Variants in DNAJC16 observed in about 807,000 individuals in gnomAD.
The protein encoded by DNAJC16 is DnaJ heat shock protein family (Hsp40) member C16.
DNAJC16 carries 76 observed loss-of-function variants against 92.7 expected under a neutral mutation model. That is an observed-to-expected ratio of 0.82 (90% CI 0.68 to 0.99). The LOEUF (loss-of-function observed/expected upper bound fraction) is 0.99. Among genes scored for constraint, DNAJC16 ranks in the 50% least tolerant of loss-of-function variants. DNAJC16 has a pLI of 0.00. For synonymous variants in DNAJC16, 328 were observed against 358.7 expected, an observed-to-expected ratio of 0.91 and a Z score of 0.97; for missense variants, 869 against 942.4, an observed-to-expected ratio of 0.92 and a Z score of 1.02.
intron 7 of DNAJC16, among the ~76,000 whole-genome samples, chr1:15,552,777 T>A (rs1044124634): frequency 6.7e-6 from 1 of 149,462 alleles, no homozygotes; most frequent in African/African-American, 2.4e-5. Flanking sequence ...TTTATTTTTT[T>A]TTTTTTTGGA....
chr1:15,530,105 C>T (rs1052088436), intron 2 of DNAJC16, among the ~76,000 whole-genome samples: 1 of 151,582 alleles, frequency 6.6e-6, no homozygotes, highest in Non-Finnish European at 1.5e-5. Flanking sequence ...ATATAGAGGG[C>T]TGACTATATA....
chr1:15,567,069 G>C (rs765919672), intron 13 of DNAJC16, 30 bp from the exon 14 acceptor site: 1 of 1,593,092 alleles, frequency 6.3e-7, no homozygotes, highest in African/African-American at 1.3e-5. Flanking sequence ...TATCCTGACA[G>C]CATCTTAACT....
At chr1:15,534,182 T>C (rs369196756) in intron 2 of DNAJC16, 55 bp from the exon 3 acceptor site, 111 of 1,588,004 alleles carry the variant, frequency 7.0e-5, no homozygotes, top group Non-Finnish European at 9.3e-5. Context: ...GGACATTAAA[T>C]GACTGTGCAT....
chr1:15,527,185 C>T (rs1710537193), intron 1 of DNAJC16, among the ~76,000 whole-genome samples: 1 of 152,152 alleles, frequency 6.6e-6, no homozygotes, highest in Non-Finnish European at 1.5e-5. Flanking sequence ...AGACCTGGAG[C>T]TTGTCTCTGG....
At chr1:15,565,711 T>G (rs931054660) in intron 11 of DNAJC16, 21 of 596,710 alleles carry the variant, frequency 3.5e-5, no homozygotes, top group Non-Finnish European at 4.8e-5. Flanking sequence ...ATCAAACTTT[T>G]AGAATAAGCT....
rs1183791350 is a variant in DNAJC16 at position 15,568,937 on chromosome 1, C to T, written c.*760C>T. ...GTAGCCAGGGGAGGGGTCTGCACAG[C>T]GAGAAGTACTGTGATGACTTTGAGC... On this transcript the variant is annotated 3_prime_UTR_variant, in exon 15 of 15. Transcript: ENST00000375847. 1.3e-5 allele frequency: 5 copies of T among 379,310 alleles called. No individual in the cohort carries two copies. The highest frequency in any genetic ancestry group is 2.3e-5 in the Non-Finnish European group (5 of 213,814). The allele number at this position is 379,310 out of a possible 1,614,324, so 23.5% of individuals were successfully genotyped here. A position where few individuals can be genotyped will look rare whatever the true frequency, so the allele number is the denominator to read the frequency against.
chr1:15,529,670 C>T, intron 2 of DNAJC16, among the ~76,000 whole-genome samples: 1 of 152,022 alleles, frequency 6.6e-6, no homozygotes, highest in South Asian at 2.1e-4. Flanking sequence ...CAACCCTATT[C>T]TCTAAATTAT....
intron 9 of DNAJC16, 98 bp downstream of exon 9, chr1:15,562,423 G>A: frequency 8.0e-7 from 1 of 1,247,194 alleles, no homozygotes; most frequent in Non-Finnish European, 1.1e-6. Flanking sequence ...ACAGATTCTA[G>A]GAAATCTGAA....
chr1:15,569,510 AGTG>A lies in DNAJC16; in HGVS notation c.*1336_*1338del, dbSNP rs1348975981. The A allele has an allele frequency of 1.3e-5, 2 of 152,170 alleles. No individual in the cohort carries two copies. Among genetic ancestry groups the A allele is most frequent in the African/African-American group, 4.8e-5 (2 of 41,436 alleles). 9.4% of individuals were successfully genotyped at this position (152,170 alleles called of 1,614,324 possible). On this transcript the variant is annotated 3_prime_UTR_variant, in exon 15 of 15. Coordinates refer to ENST00000375847, the MANE Select transcript of DNAJC16 (RefSeq NM_015291.4). ...TTTTATTTTTCAGGGCAGAATGACC[AGTG>A]GTTCTGAGTTTGAGTTTGGACAGCT...
intron 11 of DNAJC16, 84 bp downstream of exon 11, chr1:15,564,443 TA>T: frequency 1.1e-6 from 1 of 948,152 alleles, no homozygotes; most frequent in Non-Finnish European, 1.7e-6. Context: ...TCATCATTAT[TA>T]AATTTCAAGG....
At chr1:15,530,270 C>T (rs1710623311) in intron 2 of DNAJC16, among the ~76,000 whole-genome samples, 1 of 150,188 alleles carries the variant, frequency 6.7e-6, no homozygotes, top group South Asian at 2.1e-4. Flanking sequence ...AAAAAAAAAG[C>T]CCAGAAGTTT....
chr1:15,564,219 C>G (rs1638758625), intron 10 of DNAJC16, 64 bp from the exon 11 acceptor site: 7 of 1,539,828 alleles, frequency 4.5e-6, no homozygotes, highest in Non-Finnish European at 5.4e-6. Flanking sequence ...CACTGTGTTG[C>G]AGGGTAGAGG....
chr1:15,535,134 A>G (rs1380526030), intron 3 of DNAJC16, among the ~76,000 whole-genome samples: 3 of 152,136 alleles, frequency 2.0e-5, no homozygotes, highest in Non-Finnish European at 2.9e-5. Context: ...TAGACTTCAA[A>G]GTTATTTTGT....
chr1:15,562,097 T>C, intron 8 of DNAJC16, 45 bp from the exon 9 acceptor site: 1 of 1,583,644 alleles, frequency 6.3e-7, no homozygotes, highest in South Asian at 1.1e-5. Context: ...GTGCTGGCCC[T>C]GCCATCAGGG....
chr1:15,551,949 T>G (rs1638452600), intron 7 of DNAJC16, among the ~76,000 whole-genome samples: 1 of 151,548 alleles, frequency 6.6e-6, no homozygotes. Flanking sequence ...GAGATTCACT[T>G]GAACCCAGGA....
intron 2 of DNAJC16, among the ~76,000 whole-genome samples, chr1:15,530,023 A>C (rs1428177847): frequency 6.6e-6 from 1 of 152,092 alleles, no homozygotes; most frequent in Non-Finnish European, 1.5e-5. Context: ...TTTTTTAAAA[A>C]TATTTTTGAA....
intron 2 of DNAJC16, among the ~76,000 whole-genome samples, chr1:15,531,244 G>T (rs749403379): frequency 7.2e-5 from 11 of 152,180 alleles, no homozygotes; most frequent in Non-Finnish European, 1.3e-4. Flanking sequence ...GCGTGACTGC[G>T]CCTGACACTG....
intron 2 of DNAJC16, among the ~76,000 whole-genome samples, chr1:15,531,411 T>A (rs1045571651): frequency 2.0e-5 from 3 of 152,254 alleles, no homozygotes; most frequent in Admixed American, 6.5e-5. Context: ...ATACATGACC[T>A]CCTTCCAGGG....
chr1:15,564,199 CCAG>C, intron 10 of DNAJC16, 81 bp from the exon 11 acceptor site: 1 of 1,558,974 alleles, frequency 6.4e-7, no homozygotes, highest in Non-Finnish European at 8.8e-7. Context: ...GAGCAGAGGT[CCAG>C]CAGCAGCACT....
Sources: gnomAD v4.1 joint callset for allele counts (sites outside exome capture counted in the v4.1 genomes callset) on GRCh38, gnomAD v4.1.1 for gene constraint, MANE v1.5 for transcripts, NCBI Gene and HGNC (gene_info 2026-07-23, HGNC 2026-07-21) for gene names.